The following QTMAN variants were observed in gnomAD, a reference collection of about 807,000 sequenced individuals.
QTMAN encodes queuosine-tRNA mannosyltransferase.
the QTMAN span, among the ~76,000 whole-genome samples, chr2:144,054,280 C>T: frequency 1.9e-4 from 29 of 152,126 alleles, no homozygotes; most frequent in Non-Finnish European, 3.5e-4. Flanking sequence ...AATCTGAAGA[C>T]AGCACAACAA....
At chr2:143,994,840 T>TA in the QTMAN span, among the ~76,000 whole-genome samples, 1 of 152,188 alleles carries the variant, frequency 6.6e-6, no homozygotes, top group Admixed American at 6.5e-5. Context: ...GTAAATTTAC[T>TA]AAAAATCGCT....
the QTMAN span, among the ~76,000 whole-genome samples, chr2:144,139,527 T>C: frequency 6.6e-6 from 1 of 152,044 alleles, no homozygotes; most frequent in Non-Finnish European, 1.5e-5. Context: ...AACTAGTAAG[T>C]GGTGGTCAAA....
the QTMAN span, among the ~76,000 whole-genome samples, chr2:144,041,713 T>C: frequency 0.016 from 2,410 of 152,270 alleles, 31 homozygotes; most frequent in Non-Finnish European, 0.023. Context: ...ACAATCTCCA[T>C]GCTGTGTGTT....
chr2:144,243,007 G>C, the QTMAN span, among the ~76,000 whole-genome samples: 3 of 143,418 alleles, frequency 2.1e-5, no homozygotes, highest in Non-Finnish European at 4.5e-5. Flanking sequence ...CTATACTACC[G>C]TACTAGCATC....
the QTMAN span, chr2:144,178,874 G>C: frequency 1.0e-5 from 4 of 394,344 alleles, no homozygotes; most frequent in African/African-American, 6.6e-5. Flanking sequence ...CAGGCTTCTT[G>C]CATTTTCAAT....
At chr2:144,187,335 A>C in the QTMAN span, among the ~76,000 whole-genome samples, 17 of 152,344 alleles carry the variant, frequency 1.1e-4, no homozygotes, top group Non-Finnish European at 1.9e-4. Context: ...AAACCGAAGA[A>C]GCATCCTGGC....
the QTMAN span, among the ~76,000 whole-genome samples, chr2:144,016,289 ATCAC>A: frequency 6.6e-6 from 1 of 152,202 alleles, no homozygotes; most frequent in Non-Finnish European, 1.5e-5. Context: ...TGTTATCTCT[ATCAC>A]TCAAATGACC....
At chr2:144,117,187 T>C in the QTMAN span, among the ~76,000 whole-genome samples, 1 of 152,220 alleles carries the variant, frequency 6.6e-6, no homozygotes, top group Non-Finnish European at 1.5e-5. Flanking sequence ...GCAAATGTTC[T>C]TCACTCCGAT....
the QTMAN span, among the ~76,000 whole-genome samples, chr2:144,199,143 G>T: frequency 6.6e-6 from 1 of 151,800 alleles, no homozygotes; most frequent in Admixed American, 6.6e-5. Flanking sequence ...CACCTCCCAG[G>T]TTCAAACGAT....
chr2:143,940,528 G>C, the QTMAN span: 3 of 152,118 alleles, frequency 2.0e-5, no homozygotes, highest in Non-Finnish European at 2.9e-5. Context: ...TCATATCTCA[G>C]GCATAAATTT....
chr2:144,095,831 A>G, the QTMAN span, among the ~76,000 whole-genome samples: 1 of 152,156 alleles, frequency 6.6e-6, no homozygotes, highest in Admixed American at 6.5e-5. Context: ...CTTTATTAAT[A>G]TTAAAGATAG....
At chr2:144,060,318 TG>T in the QTMAN span, among the ~76,000 whole-genome samples, 1 of 152,200 alleles carries the variant, frequency 6.6e-6, no homozygotes, top group East Asian at 1.9e-4. Flanking sequence ...TAGAGTGCAA[TG>T]GCACGATCTC....
the QTMAN span, among the ~76,000 whole-genome samples, chr2:143,985,012 C>T: frequency 6.6e-6 from 1 of 152,232 alleles, no homozygotes; most frequent in Non-Finnish European, 1.5e-5. Context: ...AGCTGGTTAA[C>T]CTTAGCCATC....
At chr2:144,248,914 G>T in the QTMAN span, among the ~76,000 whole-genome samples, 1 of 152,136 alleles carries the variant, frequency 6.6e-6, no homozygotes. Context: ...GAAGCCTTCA[G>T]TGGGGCAGTG....
the QTMAN span, among the ~76,000 whole-genome samples, chr2:144,105,109 A>G: frequency 2.6e-5 from 4 of 152,344 alleles, no homozygotes; most frequent in African/African-American, 4.8e-5. Flanking sequence ...CCACCTGTAC[A>G]TTACCATCAT....
chr2:144,059,110 G>A, the QTMAN span, among the ~76,000 whole-genome samples: 2 of 152,176 alleles, frequency 1.3e-5, no homozygotes, highest in African/African-American at 4.8e-5. Flanking sequence ...TCTGGCCTCT[G>A]ACTGCTCATC....
chr2:144,056,526 C>A, the QTMAN span, among the ~76,000 whole-genome samples: 2 of 152,208 alleles, frequency 1.3e-5, no homozygotes, highest in Non-Finnish European at 2.9e-5. Flanking sequence ...CCAATCACCA[C>A]ACAAGAATGA....
chr2:144,251,450 T>C, the QTMAN span, among the ~76,000 whole-genome samples: 41 of 152,244 alleles, frequency 2.7e-4, no homozygotes, highest in African/African-American at 9.9e-4. Context: ...ATAAATGATG[T>C]TGGAACAACT....
At chr2:143,961,407 A>G in the QTMAN span, among the ~76,000 whole-genome samples, 1 of 152,158 alleles carries the variant, frequency 6.6e-6, no homozygotes, top group Admixed American at 6.6e-5. Flanking sequence ...ACATCCTAAG[A>G]GCTCCCATCA....
Sources: allele counts gnomAD v4.1 joint callset (sites outside exome capture counted in the v4.1 genomes callset), GRCh38; gene constraint gnomAD v4.1.1; transcripts MANE v1.5; gene names NCBI Gene and HGNC (gene_info 2026-07-23, HGNC 2026-07-21).